The following TRIM14 variants were observed in gnomAD, a reference collection of about 807,000 sequenced individuals.
TRIM14 encodes the protein tripartite motif-containing protein 14.
In TRIM14, 28 loss-of-function variants were observed where a neutral mutation model predicts 44.5. The ratio of observed to expected loss-of-function variants is 0.63; its 90% CI spans 0.47 to 0.86. The LOEUF (loss-of-function observed/expected upper bound fraction) is 0.86. Ranked by LOEUF, TRIM14 falls within the 40% of genes least tolerant of loss-of-function variation. The pLI, the probability that TRIM14 is intolerant of heterozygous loss-of-function variation, is 0.00. For synonymous variants in TRIM14, 299 were observed against 269.2 expected (o/e 1.11, Z -1.08); for missense variants, 607 against 611.1 (o/e 0.99, Z 0.07).
chr9:98,051,694 C>A, the TRIM14 span, among the ~76,000 whole-genome samples: 6 of 152,222 alleles, frequency 3.9e-5, no homozygotes, highest in Admixed American at 1.3e-4. Context: ...TAACAAGCAG[C>A]CACAGCTGGA....
chr9:98,095,850 T>A lies in TRIM14; in HGVS notation c.538-821A>T, dbSNP rs952985561. The stretch of plus-strand genomic sequence containing the variant: ...AGCAGGGGTGCCGTGGGGCCTATAC[T>A]GGCACCAACCCCTGCTGGAGTCTGG... On this transcript the variant is annotated intron_variant, in intron 3 of 5. Coordinates refer to ENST00000341469, the MANE Select transcript of TRIM14 (RefSeq NM_014788.4). The surrounding 1 kb of genome is among the most constrained non-coding windows in gnomAD (Gnocchi z 4.1). 6.6e-6 allele frequency among the ~76,000 whole-genome samples: 1 copy of A among 152,190 alleles called. No individual in the cohort carries two copies. Among genetic ancestry groups the A allele is most frequent in the Non-Finnish European group, 1.5e-5 (1 of 68,022 alleles).
At chr9:98,073,271 C>CCTTTTT (rs1564161444) in intron 6 of TRIM14, among the ~76,000 whole-genome samples, 1 of 57,826 alleles carries the variant, frequency 1.7e-5, no homozygotes, top group Non-Finnish European at 3.0e-5. Context: ...TCACCATGGG[C>CCTTTTT]TTTTTTTTTT....
intron 1 of TRIM14, among the ~76,000 whole-genome samples, chr9:98,118,226 G>C (rs2118734498): frequency 6.8e-6 from 1 of 146,070 alleles, no homozygotes; most frequent in South Asian, 2.2e-4. Context: ...GAAAAAGTCA[G>C]CTGGGAAGCT....
chr9:98,044,368 CT>C, the TRIM14 span, among the ~76,000 whole-genome samples: 991 of 110,446 alleles, frequency 9.0e-3, 6 homozygotes, highest in African/African-American at 0.026. Context: ...TGCCCTTTCT[CT>C]TTTTTTTTTT....
chr9:98,098,355 C>A (rs576172453), intron 3 of TRIM14, among the ~76,000 whole-genome samples: 5 of 152,148 alleles, frequency 3.3e-5, no homozygotes, highest in Non-Finnish European at 7.3e-5. Context: ...AATTCTAGTG[C>A]AGAAGTGACT....
downstream of TRIM14, chr9:98,082,952 ACATCTTTAATC>A: frequency 6.2e-7 from 1 of 1,614,244 alleles, no homozygotes; most frequent in East Asian, 2.2e-5. Context: ...CCTCCTGAAG[ACATCTTTAATC>A]TAGTGGGCAA....
At chr9:98,075,235 A>C (rs1829529613) in intron 6 of TRIM14, 1 of 151,804 alleles carries the variant, frequency 6.6e-6, no homozygotes, top group African/African-American at 2.4e-5. Context: ...GGATTGCTTG[A>C]CCCCAGGAGT....
chr9:98,093,488 C>T (rs978908940), intron 4 of TRIM14, among the ~76,000 whole-genome samples: 5 of 152,108 alleles, frequency 3.3e-5, no homozygotes, highest in Admixed American at 6.6e-5. Context: ...AGGGAGGAGC[C>T]GTGTCTAAGA....
chr9:98,098,211 G>C (rs912082114), intron 3 of TRIM14, among the ~76,000 whole-genome samples: 1 of 152,172 alleles, frequency 6.6e-6, no homozygotes, highest in Non-Finnish European at 1.5e-5. Flanking sequence ...TTTATAGCGA[G>C]AAAAATGAAG....
At chr9:98,101,421 CTA>C (rs936284395) in intron 2 of TRIM14, among the ~76,000 whole-genome samples, 10 of 150,646 alleles carry the variant, frequency 6.6e-5, no homozygotes, top group Non-Finnish European at 1.3e-4. Flanking sequence ...ACGACAATAG[CTA>C]TCAATTTTTT....
At chr9:98,040,084 TC>T in the TRIM14 span, among the ~76,000 whole-genome samples, 1 of 151,968 alleles carries the variant, frequency 6.6e-6, no homozygotes. Context: ...GCTCAAGTGG[TC>T]CTCCTGCCTC....
intron 1 of TRIM14, among the ~76,000 whole-genome samples, chr9:98,111,875 T>A (rs541894226): frequency 6.6e-6 from 1 of 152,220 alleles, no homozygotes; most frequent in South Asian, 2.1e-4. Flanking sequence ...GAGGCAGAGG[T>A]TGCAGTGAGC....
At chr9:98,082,718 G>T, downstream of TRIM14, 1 of 750,056 alleles carries the variant, frequency 1.3e-6, no homozygotes, top group Non-Finnish European at 2.2e-6. Context: ...GCAGTGTAGG[G>T]GGCAACAGAG....
chr9:98,103,526 T>C (rs909518608), intron 2 of TRIM14, among the ~76,000 whole-genome samples: 5 of 152,178 alleles, frequency 3.3e-5, no homozygotes, highest in Admixed American at 2.6e-4. Context: ...AATTTGTTCA[T>C]GTATTATTTA....
At chr9:98,090,525 T>C (rs1452040465) in intron 5 of TRIM14, among the ~76,000 whole-genome samples, 1 of 151,780 alleles carries the variant, frequency 6.6e-6, no homozygotes, top group African/African-American at 2.4e-5. Context: ...AAAAAATCAT[T>C]GAGCTGATTG....
Position 98,087,679 on chromosome 9 carries a change from A to C in TRIM14, c.1120T>G (p.Phe374Val). 2 of 1,602,096 alleles carry C rather than the reference A, an allele frequency of 1.2e-6. No individual in the cohort carries two copies. The highest frequency in any genetic ancestry group is 1.7e-6 in the Non-Finnish European group (2 of 1,178,610). Residue 374 changes from phenylalanine (F) to valine (V), a missense_variant, in exon 6 of 6, where the codon TTC becomes GTC. Coordinates refer to ENST00000341469, the MANE Select transcript of TRIM14 (RefSeq NM_014788.4). ...AGGCGGCTGCGCTGGCCGTCGTGGA[A>C]GGCCCAGTACTCAAGGTCGTAGCGC... ...LKRYDLEYWA[F>V]HDGQRSRLRP...
intron 5 of TRIM14, 123 bp from the exon 6 acceptor site, chr9:98,088,128 G>A (rs1160885771): frequency 6.9e-6 from 8 of 1,162,624 alleles, no homozygotes; most frequent in Non-Finnish European, 9.1e-6. Flanking sequence ...CCCAAGGAAG[G>A]GGTGACAGAC....
At chr9:98,111,991 AATG>A (rs1239644810) in intron 1 of TRIM14, among the ~76,000 whole-genome samples, 1 of 152,134 alleles carries the variant, frequency 6.6e-6, no homozygotes, top group African/African-American at 2.4e-5. Flanking sequence ...TGTTATGTTA[AATG>A]AAGTAATAGG....
the TRIM14 span, among the ~76,000 whole-genome samples, chr9:98,045,775 A>G: frequency 1.3e-5 from 2 of 152,172 alleles, no homozygotes; most frequent in African/African-American, 4.8e-5. Context: ...GTGCTGAGTG[A>G]TCAAGCAAGG....
Sources: allele counts gnomAD v4.1 joint callset (sites outside exome capture counted in the v4.1 genomes callset), GRCh38; gene constraint gnomAD v4.1.1; non-coding constraint Gnocchi (gnomAD v3.1); transcripts MANE v1.5; gene names NCBI Gene and HGNC (gene_info 2026-07-23, HGNC 2026-07-21).